LHX5: variants seen among roughly 807,000 people sequenced by gnomAD.
The protein encoded by LHX5 is LIM homeobox 5.
A neutral mutation model predicts 30.6 loss-of-function variants in LHX5; 5 were observed. The observed-to-expected ratio is 0.16, with a 90% CI of 0.09 to 0.34. The LOEUF is 0.34. LHX5 is among the 10% of genes least tolerant of loss of function. LHX5 has a pLI of 1.00. For synonymous variants in LHX5, 266 were observed against 252.6 expected (o/e 1.05, Z -0.50); for missense variants, 458 against 570.6 (o/e 0.80, Z 2.01).
chr12:113,470,868 C>T (rs1356329709), intron 1 of LHX5, among the ~76,000 whole-genome samples: 1 of 152,222 alleles, frequency 6.6e-6, no homozygotes, highest in African/African-American at 2.4e-5. Context: ...CCTCGCTGGG[C>T]CCCCTCTGGA....
rs575068981 is a variant in LHX5, at chr12:113,464,586, G to T, written c.842-1029C>A. Among the ~76,000 whole-genome samples the T allele has an allele frequency of 6.6e-6, 1 of 152,190 alleles. No individual in the cohort carries two copies. The highest frequency in any genetic ancestry group is 1.5e-5 in the Non-Finnish European group (1 of 68,044). ...AACTGAGCTCCAGCGACTTGGGAGA[G>T]GGGGAGGAGGACACGAAGATTCTCT... On this transcript the variant is annotated intron_variant, in intron 4 of 4. Coordinates refer to ENST00000261731, the MANE Select transcript of LHX5 (RefSeq NM_022363.3). The surrounding 1 kb of genome is among the most constrained non-coding windows in gnomAD (Gnocchi z 6.2).
rs927244110 is a variant in LHX5, at chr12:113,471,748, T to C, written c.-250A>G. The C allele has an allele frequency of 2.2e-6, 1 of 455,650 alleles. No homozygotes were observed. 28.2% of individuals were successfully genotyped at this position (455,650 alleles called of 1,614,324 possible). On this transcript the variant is annotated 5_prime_UTR_variant, in exon 1 of 5. Transcript: ENST00000261731. ...CACGGGCCGCACGCCCCGGCGCCTG[T>C]TCCGGGCTTCCCCAGGTATCTCGGG...
intron 1 of LHX5, among the ~76,000 whole-genome samples, chr12:113,470,129 CA>C (rs1199432372): frequency 6.6e-6 from 1 of 152,156 alleles, no homozygotes; most frequent in Non-Finnish European, 1.5e-5. Flanking sequence ...TTCCTGATCT[CA>C]TTCCTTTTCT....
At chr12:113,469,701 A>G (rs1288986355) in intron 1 of LHX5, among the ~76,000 whole-genome samples, 2 of 152,232 alleles carry the variant, frequency 1.3e-5, no homozygotes, top group Non-Finnish European at 2.9e-5. Context: ...GCAAACTCAG[A>G]GTCCATGAAT....
Position 113,464,197 on chromosome 12 carries a change from C to T in LHX5, c.842-640G>A, listed in dbSNP as rs1440766973. Among the ~76,000 whole-genome samples, 1 of 152,080 alleles carries T rather than the reference C, an allele frequency of 6.6e-6. No homozygotes were observed. Among genetic ancestry groups the T allele is most frequent in the Non-Finnish European group, 1.5e-5 (1 of 68,014 alleles). ...GCAGCGAGGGAGTCAGGAGTGAGCC[C>T]GAAGATGGAGAGAAGTCGATGCGCC... On this transcript the variant is annotated intron_variant, in intron 4 of 4. Transcript: ENST00000261731. This position sits in a 1 kb window ranked among gnomAD's most constrained non-coding sequence, Gnocchi z 6.2.
At position 113,467,787 on chromosome 12, in the gene LHX5, G is replaced by A. The variant is rs572145476; in HGVS notation, c.675+340C>T. 2.0e-5 allele frequency among the ~76,000 whole-genome samples: 3 copies of A among 152,374 alleles called. No homozygotes were observed. In the East Asian group the frequency reaches 5.8e-4, roughly 29 times the overall value. ...CTGCCCGCGCTTCGGCGCAGGGAGG[G>A]AGGGGGCATCGCCTGTTTCTCTGCT... On this transcript the variant is annotated intron_variant, in intron 3 of 4. Coordinates refer to ENST00000261731, the MANE Select transcript of LHX5 (RefSeq NM_022363.3). This position sits in a 1 kb window ranked among gnomAD's most constrained non-coding sequence, Gnocchi z 6.3.
chr12:113,462,794 A>G lies in LHX5; in HGVS notation c.*396T>C, dbSNP rs1958182728. 6.8e-6 allele frequency: 1 copy of G among 146,442 alleles called. No individual in the cohort carries two copies. Among genetic ancestry groups the G allele is most frequent in the African/African-American group, 2.8e-5 (1 of 36,300 alleles). 9.1% of individuals were successfully genotyped at this position (146,442 alleles called of 1,614,324 possible). ...TGCCACTCGGATTGCAGAGAGAGGG[A>G]AAAACACCGTCTCCGCCCCTTGGCC... On this transcript the variant is annotated 3_prime_UTR_variant, in exon 5 of 5. Transcript: ENST00000261731.
At position 113,467,558 on chromosome 12, in the gene LHX5, C is replaced by G. The variant is rs1201723836; in HGVS notation, c.676-137G>C. 1 of 816,026 alleles carries G rather than the reference C, an allele frequency of 1.2e-6. No individual in the cohort carries two copies. The highest frequency in any genetic ancestry group is 1.8e-5 in the African/African-American group (1 of 56,238). The allele number at this position is 816,026 out of a possible 1,614,324, so 50.5% of individuals were successfully genotyped here. A position where few individuals can be genotyped will look rare whatever the true frequency, so the allele number is the denominator to read the frequency against. ...AGGACTCCCCCGAGGCGGGGCCGGG[C>G]CGGATTAGGCCGGGAGGGGTGGAGA... On this transcript the variant is annotated intron_variant, in intron 3 of 4. Transcript: ENST00000261731. This position sits in a 1 kb window ranked among gnomAD's most constrained non-coding sequence, Gnocchi z 6.3.
Position 113,463,185 on chromosome 12 carries a change from C to T in LHX5, c.*5G>A, listed in dbSNP as rs955460312. 2.0e-6 allele frequency: 3 copies of T among 1,501,220 alleles called. No individual in the cohort carries two copies. The highest frequency in any genetic ancestry group is 1.5e-5 in the African/African-American group (1 of 68,532). 93.0% of individuals were successfully genotyped at this position (1,501,220 alleles called of 1,614,324 possible). ...GGGCCGAGCGCGGGGGGCGGCCCGG[C>T]GGCCTTACCACACGGCGGCTTCGTT... On this transcript the variant is annotated 3_prime_UTR_variant, in exon 5 of 5. Coordinates refer to ENST00000261731, the MANE Select transcript of LHX5 (RefSeq NM_022363.3). The surrounding 1 kb of genome is among the most constrained non-coding windows in gnomAD (Gnocchi z 6.7).
chr12:113,463,176 G>A lies in LHX5; in HGVS notation c.*14C>T, dbSNP rs1430661857. ...GGCCCCCGGGGGCCGAGCGCGGGGG[G>A]CGGCCCGGCGGCCTTACCACACGGC... On this transcript the variant is annotated 3_prime_UTR_variant, in exon 5 of 5. Transcript: ENST00000261731. The surrounding 1 kb of genome is among the most constrained non-coding windows in gnomAD (Gnocchi z 6.7). The A allele has an allele frequency of 1.3e-6, 2 of 1,492,610 alleles. No homozygotes were observed. Among genetic ancestry groups the A allele is most frequent in the South Asian group, 1.3e-5 (1 of 79,630 alleles). 92.5% of individuals were successfully genotyped at this position (1,492,610 alleles called of 1,614,324 possible).
intron 1 of LHX5, among the ~76,000 whole-genome samples, chr12:113,471,066 G>T (rs935129210): frequency 6.6e-6 from 1 of 152,226 alleles, no homozygotes; most frequent in Admixed American, 6.5e-5. Flanking sequence ...GTTTGTCAGG[G>T]CTTCCTCCCT....
At position 113,463,199 on chromosome 12, in the gene LHX5, G is replaced by A. The variant is rs1015609108; in HGVS notation, c.1200C>T (p.Ala400=). 2 of 1,516,256 alleles carry A rather than the reference G, an allele frequency of 1.3e-6. No homozygotes were observed. Among genetic ancestry groups the A allele is most frequent in the African/African-American group, 1.4e-5 (1 of 69,534 alleles). 93.9% of individuals were successfully genotyped at this position (1,516,256 alleles called of 1,614,324 possible). A position where few individuals can be genotyped will look rare whatever the true frequency, so the allele number is the denominator to read the frequency against. Residue 400 remains alanine, a synonymous_variant, in exon 5 of 5, where the codon GCC becomes GCT. Transcript: ENST00000261731. This position sits in a 1 kb window ranked among gnomAD's most constrained non-coding sequence, Gnocchi z 6.7. ...GGGCGGCCCGGCGGCCTTACCACAC[G>A]GCGGCTTCGTTGAGCTCGGGGTTGG... ...SHPNPELNEA[A]VW
Position 113,468,202 on chromosome 12 carries a change from G to C in LHX5, c.600C>G (p.Ala200=), listed in dbSNP as rs111226838. Residue 200 remains alanine, a synonymous_variant, in exon 3 of 5, where the codon GCC becomes GCG. Coordinates refer to ENST00000261731, the MANE Select transcript of LHX5 (RefSeq NM_022363.3). The part of the protein sequence containing the change: ...KQLETLKAAF[A]ATPKPTRHIR... ...TGTGGCGCGTGGGCTTGGGCGTGGC[G>C]GCGAAGGCAGCCTTGAGCGTCTCCA... 42 of 1,613,332 alleles carry C rather than the reference G, an allele frequency of 2.6e-5. No homozygotes were observed. The highest frequency in any genetic ancestry group is 3.4e-5 in the Non-Finnish European group (40 of 1,179,760).
intron 1 of LHX5, among the ~76,000 whole-genome samples, chr12:113,469,744 C>T (rs1263914131): frequency 6.6e-6 from 1 of 152,238 alleles, no homozygotes; most frequent in Non-Finnish European, 1.5e-5. Flanking sequence ...GTTTGGGCCA[C>T]TTGGTGGCTC....
rs1034162555 is a variant in LHX5, at chr12:113,465,667, C to A, written c.841+1589G>T. ...GCGGTGGGATAGGTCGGGGCGGGGG[C>A]GAAGTGGTCCTCGGGGAAACCTTGG... On this transcript the variant is annotated intron_variant, in intron 4 of 4. Transcript: ENST00000261731. This position sits in a 1 kb window ranked among gnomAD's most constrained non-coding sequence, Gnocchi z 6.7. 6.6e-6 allele frequency among the ~76,000 whole-genome samples: 1 copy of A among 152,196 alleles called. No individual in the cohort carries two copies. Among genetic ancestry groups the A allele is most frequent in the Non-Finnish European group, 1.5e-5 (1 of 68,022 alleles).
rs1958199173 is a variant in LHX5 at position 113,464,407 on chromosome 12, G to C, written c.842-850C>G. Among the ~76,000 whole-genome samples, 1 of 152,244 alleles carries C rather than the reference G, an allele frequency of 6.6e-6. No homozygotes were observed. The highest frequency in any genetic ancestry group is 2.4e-5 in the African/African-American group (1 of 41,462). Reference sequence around the variant, plus strand: ...GATCCGGGCCGCGGCAGGAGCGACTGGTGGGTTGGGCCGGGCGGGGCGGCC... The same window carrying C: ...GATCCGGGCCGCGGCAGGAGCGACTCGTGGGTTGGGCCGGGCGGGGCGGCC... On this transcript the variant is annotated intron_variant, in intron 4 of 4. Coordinates refer to ENST00000261731, the MANE Select transcript of LHX5 (RefSeq NM_022363.3). This position sits in a 1 kb window ranked among gnomAD's most constrained non-coding sequence, Gnocchi z 6.2.
rs183652125 is a variant in LHX5 at position 113,464,081 on chromosome 12, G to A, written c.842-524C>T. On this transcript the variant is annotated intron_variant, in intron 4 of 4. Coordinates refer to ENST00000261731, the MANE Select transcript of LHX5 (RefSeq NM_022363.3). The surrounding 1 kb of genome is among the most constrained non-coding windows in gnomAD (Gnocchi z 6.2). ...GTCCGCGGCTGAGACCCGAAAGCCCGAGACATCGGAGGGTCGCGGAGGAGT... is the reference window on the plus strand; with the variant it reads ...GTCCGCGGCTGAGACCCGAAAGCCCAAGACATCGGAGGGTCGCGGAGGAGT... 4.4e-4 allele frequency among the ~76,000 whole-genome samples: 67 copies of A among 152,312 alleles called. 1 individual carries two copies. In the East Asian group the frequency reaches 8.3e-3, roughly 19 times the overall value.
At position 113,463,295 on chromosome 12, in the gene LHX5, T is replaced by C. The variant is rs2136975440; in HGVS notation, c.1104A>G (p.Val368=). The C allele has an allele frequency of 6.5e-7, 1 of 1,529,442 alleles. No individual in the cohort carries two copies. Among genetic ancestry groups the C allele is most frequent in the Non-Finnish European group, 8.8e-7 (1 of 1,141,202 alleles). 94.7% of individuals were successfully genotyped at this position (1,529,442 alleles called of 1,614,324 possible). A position where few individuals can be genotyped will look rare whatever the true frequency, so the allele number is the denominator to read the frequency against. The change falls in exon 5 of 5, where the codon GTA becomes GTG. Residue 368 remains valine, a synonymous_variant. Transcript: ENST00000261731. This position sits in a 1 kb window ranked among gnomAD's most constrained non-coding sequence, Gnocchi z 6.7. The part of the protein sequence containing the change: ...PGTLHPMPGE[V]FSGGPSPPFP... ...AGGGCGGGCTGGGCCCGCCGCTGAA[T>C]ACCTCGCCGGGCATGGGGTGCAGCG...
intron 1 of LHX5, 109 bp from the exon 2 acceptor site, chr12:113,469,454 T>C (rs1958234406): frequency 2.1e-6 from 2 of 961,282 alleles, no homozygotes; most frequent in African/African-American, 3.2e-5. Flanking sequence ...CATTTCCATA[T>C]CTGTCAAACG....
Sources: allele counts gnomAD v4.1 joint callset (sites outside exome capture counted in the v4.1 genomes callset), GRCh38; gene constraint gnomAD v4.1.1; non-coding constraint Gnocchi (gnomAD v3.1); transcripts MANE v1.5; gene names NCBI Gene and HGNC (gene_info 2026-07-23, HGNC 2026-07-21).